The following PCDHA7 variants were observed in gnomAD, a reference collection of about 807,000 sequenced individuals.
PCDHA7 encodes the protein protocadherin alpha-7.
Under a neutral mutation model 57.2 loss-of-function variants are expected in PCDHA7, and 37 were observed. The ratio of observed to expected loss-of-function variants is 0.65; its 90% CI spans 0.50 to 0.85. PCDHA7 has a LOEUF of 0.85. PCDHA7 is among the 40% of genes least tolerant of loss of function. PCDHA7 has a pLI of 0.00. For missense variants in PCDHA7, 1,188 were observed against 1,241.8 expected (o/e 0.96, Z 0.65); for synonymous variants, 553 against 558.8 (o/e 0.99, Z 0.15).
rs183652630 is a variant in PCDHA7 at position 140,854,028 on chromosome 5, G to A, written c.2355+17290G>A. 2.2e-3 allele frequency: 685 copies of A among 307,422 alleles called. 24 individuals are homozygous for A. The highest frequency in any genetic ancestry group is 3.0e-3 in the Non-Finnish European group (614 of 202,590). 19.0% of individuals were successfully genotyped at this position (307,422 alleles called of 1,614,324 possible). A position where few individuals can be genotyped will look rare whatever the true frequency, so the allele number is the denominator to read the frequency against. On this transcript the variant is annotated intron_variant, in intron 1 of 3. Transcript: ENST00000525929. ...AAAAAAAAAATTAGCCGGGCATGGTGGCACACATCTCTAGTCCCAATTACT... is the reference window on the plus strand; with the variant it reads ...AAAAAAAAAATTAGCCGGGCATGGTAGCACACATCTCTAGTCCCAATTACT...
At chr5:140,884,166 C>A in intron 1 of PCDHA7, 1 of 1,613,430 alleles carries the variant, frequency 6.2e-7, no homozygotes, top group Non-Finnish European at 8.5e-7. Context: ...GAGATCAGCA[C>A]GACGCGCCCT....
chr5:140,854,302 G>A, intron 1 of PCDHA7: 2 of 384,722 alleles, frequency 5.2e-6, no homozygotes, highest in Non-Finnish European at 7.1e-6. Context: ...TTTTGTGCGT[G>A]GAGATGATTG....
At position 140,857,606 on chromosome 5, in the gene PCDHA7, C is replaced by T. The variant is rs565842920; in HGVS notation, c.2355+20868C>T. The T allele has an allele frequency of 1.2e-4, 191 of 1,596,384 alleles. 13 individuals are homozygous for T. The South Asian group carries it at 2.1e-3, about 17-fold the overall frequency. ...GGAGAGCGGCAAGGTGTACGCGCTG[C>T]AGCCGCTGGACCACGAGGAGCTGGA... On this transcript the variant is annotated intron_variant, in intron 1 of 3. Coordinates refer to ENST00000525929, the MANE Select transcript of PCDHA7 (RefSeq NM_018910.3).
intron 1 of PCDHA7, among the ~76,000 whole-genome samples, chr5:140,932,798 T>C (rs2153613163): frequency 6.6e-6 from 1 of 151,958 alleles, no homozygotes; most frequent in Middle Eastern, 3.4e-3. Flanking sequence ...AGAAAAGCAA[T>C]ACCTTGGAAA....
intron 1 of PCDHA7, chr5:140,877,568 A>G (rs782021677): frequency 1.9e-6 from 3 of 1,613,708 alleles, no homozygotes; most frequent in Non-Finnish European, 1.7e-6. Context: ...ATTAACGTGT[A>G]CCTCATCATC....
At position 140,845,853 on chromosome 5, in the gene PCDHA7, A is replaced by G. The variant is rs2150381879; in HGVS notation, c.2355+9115A>G. 1.3e-5 allele frequency among the ~76,000 whole-genome samples: 2 copies of G among 149,864 alleles called. 1 individual carries two copies. Among genetic ancestry groups the G allele is most frequent in the Non-Finnish European group, 3.0e-5 (2 of 66,956 alleles). ...TACCATTCTTAAGAGAAAAGAAGTT[A>G]GTGATTGCAGAAAGGCAACCTAAAA... On this transcript the variant is annotated intron_variant, in intron 1 of 3. Coordinates refer to ENST00000525929, the MANE Select transcript of PCDHA7 (RefSeq NM_018910.3).
chr5:140,836,909 C>T (rs1173581620), intron 1 of PCDHA7, 171 bp downstream of exon 1: 1 of 579,626 alleles, frequency 1.7e-6, no homozygotes, highest in Non-Finnish European at 2.9e-6. Context: ...TTAATATACA[C>T]TTTTGTTTTG....
chr5:140,980,608 G>A (rs994415170), intron 2 of PCDHA7, among the ~76,000 whole-genome samples: 6 of 151,850 alleles, frequency 4.0e-5, no homozygotes, highest in African/African-American at 7.3e-5. Context: ...CCAGCCTGGC[G>A]ACAGTGCGAG....
intron 1 of PCDHA7, among the ~76,000 whole-genome samples, chr5:140,892,628 T>C (rs1554185308): frequency 6.6e-6 from 1 of 152,166 alleles, no homozygotes; most frequent in African/African-American, 2.4e-5. Flanking sequence ...TGGTACATAA[T>C]AATTGTACAT....
intron 3 of PCDHA7, among the ~76,000 whole-genome samples, chr5:141,006,194 A>G (rs1455369245): frequency 1.3e-5 from 2 of 149,246 alleles, no homozygotes; most frequent in African/African-American, 2.5e-5. Context: ...TGCTATATGT[A>G]TGTTATGCCT....
intron 1 of PCDHA7, chr5:140,841,810 A>C (rs2150323152): frequency 5.6e-6 from 9 of 1,613,740 alleles, no homozygotes; most frequent in East Asian, 2.2e-5. Flanking sequence ...CAGATGTTGG[A>C]GCTAACTCCG....
chr5:140,919,207 T>C (rs1554198972), intron 1 of PCDHA7, among the ~76,000 whole-genome samples: 1 of 152,222 alleles, frequency 6.6e-6, no homozygotes, highest in Non-Finnish European at 1.5e-5. Context: ...CATTATAAAA[T>C]GTCCTTCTTG....
chr5:140,863,288 A>G, intron 1 of PCDHA7: 1 of 1,462,142 alleles, frequency 6.8e-7, no homozygotes, highest in South Asian at 1.1e-5. Context: ...GTCAACGTGT[A>G]CCTGATCATC....
intron 1 of PCDHA7, among the ~76,000 whole-genome samples, chr5:140,872,775 A>G (rs2053889520): frequency 1.3e-5 from 2 of 152,182 alleles, no homozygotes; most frequent in Non-Finnish European, 1.5e-5. Context: ...TATATTATCT[A>G]TAATATATGC....
intron 1 of PCDHA7, chr5:140,861,416 C>G: frequency 2.1e-6 from 1 of 477,054 alleles, no homozygotes; most frequent in South Asian, 1.6e-5. Flanking sequence ...TGATACCGCG[C>G]CTGTTTCAGT....
At chr5:140,853,047 T>C in intron 1 of PCDHA7, 1 of 270,060 alleles carries the variant, frequency 3.7e-6, no homozygotes, top group Non-Finnish European at 5.9e-6. Context: ...CCCGCCTAAT[T>C]TTTTTGTATT....
intron 1 of PCDHA7, among the ~76,000 whole-genome samples, chr5:140,888,497 A>C (rs2061848830): frequency 6.6e-6 from 1 of 152,250 alleles, no homozygotes; most frequent in Non-Finnish European, 1.5e-5. Flanking sequence ...ACTCTGCTTT[A>C]AAGAGTCTTG....
chr5:140,954,102 A>G (rs2094980163), intron 1 of PCDHA7, among the ~76,000 whole-genome samples: 1 of 152,186 alleles, frequency 6.6e-6, no homozygotes, highest in South Asian at 2.1e-4. Flanking sequence ...TGTCCCTGCA[A>G]AGGACAAGAT....
At chr5:140,838,499 T>G (rs1411144727) in intron 1 of PCDHA7, among the ~76,000 whole-genome samples, 5 of 151,960 alleles carry the variant, frequency 3.3e-5, no homozygotes, top group Non-Finnish European at 5.9e-5. Context: ...TGCTTTCTTA[T>G]TTTTAAAAGT....
Sources: gnomAD v4.1 joint callset for allele counts (sites outside exome capture counted in the v4.1 genomes callset) on GRCh38, gnomAD v4.1.1 for gene constraint, MANE v1.5 for transcripts, NCBI Gene and HGNC (gene_info 2026-07-23, HGNC 2026-07-21) for gene names.